ZCCHC2: variants seen among roughly 807,000 people sequenced by gnomAD.
ZCCHC2 encodes zinc finger CCHC domain-containing protein 2.
Under a neutral mutation model 103.6 loss-of-function variants are expected in ZCCHC2, and 39 were observed. The ratio of observed to expected loss-of-function variants is 0.38; its 90% CI spans 0.29 to 0.49. The LOEUF (loss-of-function observed/expected upper bound fraction) is 0.49, where lower values mean the gene tolerates loss of function less well. ZCCHC2 is among the 20% of genes least tolerant of loss of function. The probability of loss-of-function intolerance (pLI) is 0.96; values close to 1 mark genes in which losing one functional copy is unlikely to be tolerated. For missense variants in ZCCHC2, 1,483 were observed against 1,491.0 expected, an observed-to-expected ratio of 0.99 and a Z score of 0.09; for synonymous variants, 687 against 608.9, an observed-to-expected ratio of 1.13 and a Z score of -1.89.
chr18:62,568,672 G>A (rs748429752), intron 11 of ZCCHC2, among the ~76,000 whole-genome samples: 2 of 152,122 alleles, frequency 1.3e-5, no homozygotes, highest in African/African-American at 2.4e-5. Context: ...TTCACTGTCT[G>A]CATCATTTTG....
chr18:62,548,195 G>A (rs1031146945), intron 4 of ZCCHC2, among the ~76,000 whole-genome samples: 1 of 151,948 alleles, frequency 6.6e-6, no homozygotes, highest in Admixed American at 6.6e-5. Flanking sequence ...AGGATTGAAA[G>A]GTGAGAAAAT....
chr18:62,575,618 T>TCTGTTTGTGTTTTCC, intron 13 of ZCCHC2, 68 bp downstream of exon 13: 4 of 1,513,086 alleles, frequency 2.6e-6, no homozygotes, highest in Non-Finnish European at 3.6e-6. Flanking sequence ...TCCTTATTGA[T>TCTGTTTGTGTTTTCC]CATGGGATTC....
intron 1 of ZCCHC2, among the ~76,000 whole-genome samples, chr18:62,537,050 T>C (rs1914958729): frequency 6.6e-6 from 1 of 152,212 alleles, no homozygotes; most frequent in African/African-American, 2.4e-5. Flanking sequence ...TTCAGTAGCA[T>C]TAAGTACGTT....
chr18:62,571,282 G>A (rs552925479), intron 12 of ZCCHC2, among the ~76,000 whole-genome samples: 85 of 152,302 alleles, frequency 5.6e-4, no homozygotes, highest in African/African-American at 1.7e-3. Flanking sequence ...ATGGCTGCTG[G>A]GTTTTGTAGC....
chr18:62,527,855 T>G (rs983949047), intron 1 of ZCCHC2, among the ~76,000 whole-genome samples: 2 of 152,232 alleles, frequency 1.3e-5, no homozygotes, highest in African/African-American at 4.8e-5. Flanking sequence ...AAAAAATGCC[T>G]ATGTATTTTA....
rs186277879 is a variant in ZCCHC2, at chr18:62,574,244, G to A, written c.2163G>A (p.Thr721=). The A allele has an allele frequency of 7.2e-5, 116 of 1,613,992 alleles. No individual in the cohort carries two copies. Among genetic ancestry groups the A allele is most frequent in the East Asian group, 1.8e-4 (8 of 44,884 alleles). Residue 721 remains threonine (T), a synonymous_variant, in exon 13 of 14, where the codon ACG becomes ACA. Transcript: ENST00000269499. ...ATCAGCATATTTCTTTTATGCCAAC[G>A]TTACACTGTGTCATGCACAATGGTG... ...PKYQHISFMP[T]LHCVMHNGAQ...
intron 3 of ZCCHC2, among the ~76,000 whole-genome samples, chr18:62,542,792 T>A (rs1915256879): frequency 6.6e-6 from 1 of 152,240 alleles, no homozygotes; most frequent in Non-Finnish European, 1.5e-5. Context: ...TAAAAAGAAG[T>A]AAGAGCCTTA....
exon 15 of ZCCHC2, chr18:62,584,709 G>A (rs1917126785): frequency 6.6e-6 from 1 of 152,280 alleles, no homozygotes; most frequent in Non-Finnish European, 1.5e-5. Context: ...TGAAATGTGT[G>A]TGTGAACACT....
intron 11 of ZCCHC2, among the ~76,000 whole-genome samples, chr18:62,567,145 G>T (rs556900127): frequency 6.6e-6 from 1 of 152,224 alleles, no homozygotes; most frequent in South Asian, 2.1e-4. Flanking sequence ...CAAGTGCAGC[G>T]CAGATGTATG....
At chr18:62,540,852 A>T (rs966590351) in intron 2 of ZCCHC2, among the ~76,000 whole-genome samples, 1 of 152,184 alleles carries the variant, frequency 6.6e-6, no homozygotes, top group Non-Finnish European at 1.5e-5. Flanking sequence ...GCCATTCCTC[A>T]TCACATACTC....
chr18:62,544,554 C>T (rs565088873), intron 3 of ZCCHC2, among the ~76,000 whole-genome samples: 43 of 152,214 alleles, frequency 2.8e-4, no homozygotes, highest in African/African-American at 1.0e-3. Context: ...AACATAATCA[C>T]ATTTTCAGAT....
At position 62,575,104 on chromosome 18, in the gene ZCCHC2, G is replaced by T. The variant is rs191537238; in HGVS notation, c.3023G>T (p.Gly1008Val). Residue 1008 changes from glycine (G) to valine (V), a missense_variant, in exon 13 of 14, where the codon GGC (glycine) becomes GTC (valine). Physicochemically the swap from Gly to Val is moderately radical, Grantham distance 109 (BLOSUM62 -3). Transcript: ENST00000269499. Reference protein sequence around the residue: ...NGTVVPPQQMGSGPCGSCGRR... With the variant: ...NGTVVPPQQMVSGPCGSCGRR... ...ACAGTAGTGCCACCGCAGCAGATGG[G>T]CTCAGGTCCTTGTGGTTCTTGTGGG... is the stretch of plus-strand genomic sequence containing the variant. The T allele has an allele frequency of 1.5e-4, 249 of 1,614,012 alleles. No individual in the cohort carries two copies. The African/African-American group carries it at 2.9e-3, about 19-fold the overall frequency.
intron 1 of ZCCHC2, among the ~76,000 whole-genome samples, chr18:62,529,637 T>C (rs1431994000): frequency 6.6e-6 from 1 of 152,220 alleles, no homozygotes; most frequent in Admixed American, 6.5e-5. Context: ...GAAATAACTA[T>C]TAAAATCCTG....
chr18:62,545,354 A>G (rs1915367148), intron 4 of ZCCHC2, among the ~76,000 whole-genome samples: 1 of 152,068 alleles, frequency 6.6e-6, no homozygotes, highest in Non-Finnish European at 1.5e-5. Flanking sequence ...GCTTGGTGGG[A>G]GTTCTCAGAC....
At chr18:62,539,297 T>C (rs1007506488) in intron 1 of ZCCHC2, among the ~76,000 whole-genome samples, 2 of 152,198 alleles carry the variant, frequency 1.3e-5, no homozygotes, top group African/African-American at 2.4e-5. Flanking sequence ...TAGACTGTTA[T>C]TAAAACCAAA....
Position 62,574,530 on chromosome 18 carries a change from T to C in ZCCHC2, c.2449T>C (p.Leu817=), listed in dbSNP as rs1162715305. ...GCATCTTACAGTTCAGAGGCTAAAG[T>C]TGCCACCACCACAGGGATCTTCTGA... ...ALHLTVQRLK[L]PPPQGSSESC... is the part of the protein sequence containing the mutation. The change falls in exon 13 of 14, where the codon TTG becomes CTG. Residue 817 remains leucine, a synonymous_variant. Transcript: ENST00000269499. 2.5e-6 allele frequency: 4 copies of C among 1,613,890 alleles called. No individual in the cohort carries two copies. The highest frequency in any genetic ancestry group is 3.4e-6 in the Non-Finnish European group (4 of 1,179,904).
chr18:62,523,976 C>G lies in ZCCHC2; in HGVS notation c.552C>G (p.Asn184Lys). The G allele has an allele frequency of 6.7e-7, 1 of 1,495,306 alleles. No individual in the cohort carries two copies. Among genetic ancestry groups the G allele is most frequent in the Non-Finnish European group, 8.9e-7 (1 of 1,127,206 alleles). The allele number at this position is 1,495,306 out of a possible 1,614,324, so 92.6% of individuals were successfully genotyped here. A position where few individuals can be genotyped will look rare whatever the true frequency, so the allele number is the denominator to read the frequency against. Residue 184 changes from asparagine (N) to lysine (K), a missense_variant, in exon 1 of 14, where the codon AAC becomes AAG. By Grantham distance (94) the Asn-to-Lys change is moderately conservative. Around this residue, in one of 3 missense-constraint regions of ZCCHC2, gnomAD observed 568 missense variants for 525.1 expected, o/e 1.08. Coordinates refer to ENST00000269499, the MANE Select transcript of ZCCHC2 (RefSeq NM_017742.6). ...IVYLALLGSE[N>K]REAAGRLHRL... is the part of the protein sequence containing the mutation. ...ACCTGGCGCTGCTGGGCTCGGAGAA[C>G]CGGGAGGCCGCTGGCCGTCTGCACC...
chr18:62,539,584 A>G (rs1227533683), intron 1 of ZCCHC2, 97 bp from the exon 2 acceptor site: 9 of 1,059,146 alleles, frequency 8.5e-6, no homozygotes, highest in South Asian at 1.5e-5. Context: ...AAAAATTGCC[A>G]CTAAAATGGT....
chr18:62,554,820 C>T (rs1009003357), intron 5 of ZCCHC2, among the ~76,000 whole-genome samples: 1 of 152,216 alleles, frequency 6.6e-6, no homozygotes, highest in Admixed American at 6.5e-5. Flanking sequence ...TCAGTTCTTT[C>T]ATCTCTTAAT....
Sources: allele counts gnomAD v4.1 joint callset (sites outside exome capture counted in the v4.1 genomes callset), GRCh38; gene constraint gnomAD v4.1.1; regional missense constraint gnomAD v4.1.1; transcripts MANE v1.5; gene names NCBI Gene and HGNC (gene_info 2026-07-23, HGNC 2026-07-21).